The following FBXL17 variants were observed in gnomAD, a reference collection of about 807,000 sequenced individuals.
The protein encoded by FBXL17 is F-box and leucine rich repeat protein 17.
A neutral mutation model predicts 66.2 loss-of-function variants in FBXL17; 22 were observed. The observed-to-expected ratio is 0.33, with a 90% confidence interval of 0.24 to 0.47. The LOEUF (loss-of-function observed/expected upper bound fraction) is 0.47. Among genes scored for constraint, FBXL17 ranks in the 20% least tolerant of loss-of-function variants. The probability of loss-of-function intolerance (pLI) is 1.00; values close to 1 mark genes in which losing one functional copy is unlikely to be tolerated. For synonymous variants in FBXL17, 474 were observed against 400.5 expected, an observed-to-expected ratio of 1.18 and a Z score of -2.19; for missense variants, 878 against 948.2, an observed-to-expected ratio of 0.93 and a Z score of 0.97.
intron 7 of FBXL17, among the ~76,000 whole-genome samples, chr5:107,948,228 C>G (rs1751378048): frequency 6.6e-6 from 1 of 152,172 alleles, no homozygotes; most frequent in African/African-American, 2.4e-5. Flanking sequence ...CATATATAAT[C>G]TATACATTTA....
chr5:108,332,099 A>C (rs1002723261), intron 4 of FBXL17, among the ~76,000 whole-genome samples: 9 of 152,208 alleles, frequency 5.9e-5, no homozygotes, highest in Non-Finnish European at 1.2e-4. Flanking sequence ...AATGGAAAGA[A>C]TGATAAACAT....
chr5:108,175,860 C>T (rs1304240284), intron 6 of FBXL17, among the ~76,000 whole-genome samples: 1 of 152,186 alleles, frequency 6.6e-6, no homozygotes, highest in Non-Finnish European at 1.5e-5. Context: ...AAATCCCTTG[C>T]ACTAAATTAA....
At chr5:108,053,535 G>A (rs1747566219) in intron 6 of FBXL17, among the ~76,000 whole-genome samples, 12 of 152,048 alleles carry the variant, frequency 7.9e-5, no homozygotes. Flanking sequence ...CTGATCATTG[G>A]AGACATGTAA....
intron 4 of FBXL17, among the ~76,000 whole-genome samples, chr5:108,307,701 T>C (rs1001095732): frequency 8.5e-5 from 13 of 152,122 alleles, no homozygotes; most frequent in Non-Finnish European, 1.5e-4. Context: ...AAAGGTACTT[T>C]GCTGCTATGA....
chr5:108,241,761 GAAAAAACAAAAAAC>G (rs539378091), intron 4 of FBXL17, among the ~76,000 whole-genome samples: 2 of 151,718 alleles, frequency 1.3e-5, no homozygotes, highest in African/African-American at 2.4e-5. Flanking sequence ...CACAAGAGAA[GAAAAAACAAAAAAC>G]AAAAAACAAA....
chr5:108,152,702 G>C (rs1751818226), intron 6 of FBXL17, among the ~76,000 whole-genome samples: 1 of 152,142 alleles, frequency 6.6e-6, no homozygotes, highest in Non-Finnish European at 1.5e-5. Context: ...CTGGAATTCA[G>C]GGAGCATCAT....
At chr5:108,144,644 G>A (rs146723202) in intron 6 of FBXL17, among the ~76,000 whole-genome samples, 1 of 152,018 alleles carries the variant, frequency 6.6e-6, no homozygotes, top group African/African-American at 2.4e-5. Context: ...CTCTACTGTC[G>A]ATATTTTAAA....
At chr5:108,002,182 A>ATTTTTTTTTTTTTTTTTT (rs765399250) in intron 7 of FBXL17, among the ~76,000 whole-genome samples, 1 of 109,496 alleles carries the variant, frequency 9.1e-6, no homozygotes, top group African/African-American at 4.5e-5. Flanking sequence ...CACCCAGCTA[A>ATTTTTTTTTTTTTTTTTT]TTTTTTTTTT....
In FBXL17 at chr5:107,928,960, C is replaced by A. The variant is rs541528079; in HGVS notation, c.1823-47781G>T. Among the ~76,000 whole-genome samples, 34 of 151,948 alleles carry A rather than the reference C, an allele frequency of 2.2e-4. 1 individual carries two copies. The highest frequency in any genetic ancestry group is 7.7e-4 in the African/African-American group (32 of 41,460). On this transcript the variant is annotated intron_variant, in intron 7 of 8. Coordinates refer to ENST00000542267, the MANE Select transcript of FBXL17 (RefSeq NM_001163315.3). ...TCAACTGACACCATAAAAAAGAAAA[C>A]AATCTTCTTGTGCAGGAGTGAATAG... is the stretch of plus-strand genomic sequence containing the variant.
chr5:107,915,744 C>T (rs967597155), intron 7 of FBXL17, among the ~76,000 whole-genome samples: 17 of 152,158 alleles, frequency 1.1e-4, no homozygotes, highest in African/African-American at 4.1e-4. Context: ...GCCTCGTCTG[C>T]TGCCTTGTTC....
intron 7 of FBXL17, among the ~76,000 whole-genome samples, chr5:107,925,231 C>T (rs533176012): frequency 1.1e-4 from 17 of 152,304 alleles, no homozygotes; most frequent in African/African-American, 3.4e-4. Flanking sequence ...TTCTATAACA[C>T]ATGTGTTGTG....
intron 3 of FBXL17, among the ~76,000 whole-genome samples, chr5:108,353,114 G>T (rs1747753721): frequency 1.3e-5 from 2 of 152,162 alleles, no homozygotes; most frequent in Non-Finnish European, 2.9e-5. Flanking sequence ...AAAGATTTCT[G>T]GTTTTCAGTC....
At chr5:108,328,636 G>A (rs1284954746) in intron 4 of FBXL17, among the ~76,000 whole-genome samples, 1 of 151,942 alleles carries the variant, frequency 6.6e-6, no homozygotes, top group Non-Finnish European at 1.5e-5. Flanking sequence ...ATCACCAGAG[G>A]AATTAGCAGG....
At chr5:108,106,589 T>G (rs1749805890) in intron 6 of FBXL17, among the ~76,000 whole-genome samples, 1 of 152,206 alleles carries the variant, frequency 6.6e-6, no homozygotes, top group Non-Finnish European at 1.5e-5. Context: ...GAATACGTGC[T>G]ACAACATGGA....
Position 108,179,229 on chromosome 5 carries a change from G to A in FBXL17, c.1745+6888C>T, listed in dbSNP as rs115968760. On this transcript the variant is annotated intron_variant, in intron 6 of 8. Transcript: ENST00000542267. ...CTGAACTTTATTTCTAAATATCACC[G>A]TTTTTTATTGAATCAACGGAAATTT... Among the ~76,000 whole-genome samples, 905 of 152,202 alleles carry A rather than the reference G, an allele frequency of 5.9e-3. 5 individuals carry two copies. Among genetic ancestry groups the A allele is most frequent in the Non-Finnish European group, 9.1e-3 (616 of 67,990 alleles).
intron 6 of FBXL17, among the ~76,000 whole-genome samples, chr5:108,170,572 C>A (rs543786017): frequency 6.6e-6 from 1 of 152,040 alleles, no homozygotes; most frequent in Non-Finnish European, 1.5e-5. Flanking sequence ...CTCACTCTGT[C>A]GTCCAGGCTG....
chr5:108,026,694 C>T (rs1038863251), intron 6 of FBXL17, among the ~76,000 whole-genome samples: 1 of 152,172 alleles, frequency 6.6e-6, no homozygotes, highest in Non-Finnish European at 1.5e-5. Context: ...TTCTCACTAC[C>T]AAATGTTATT....
At chr5:107,918,764 C>A (rs1750216276) in intron 7 of FBXL17, among the ~76,000 whole-genome samples, 1 of 152,188 alleles carries the variant, frequency 6.6e-6, no homozygotes, top group Non-Finnish European at 1.5e-5. Context: ...AGACTTTAAG[C>A]TCCTCAAAGA....
intron 4 of FBXL17, among the ~76,000 whole-genome samples, chr5:108,344,755 T>C (rs1190153801): frequency 6.6e-6 from 1 of 152,146 alleles, no homozygotes; most frequent in Non-Finnish European, 1.5e-5. Flanking sequence ...GCACAGGAAA[T>C]ATACTTAACT....
Sources: allele counts gnomAD v4.1 joint callset (sites outside exome capture counted in the v4.1 genomes callset), GRCh38; gene constraint gnomAD v4.1.1; transcripts MANE v1.5; gene names NCBI Gene and HGNC (gene_info 2026-07-23, HGNC 2026-07-21).